RAB2B: variants seen among roughly 807,000 people sequenced by gnomAD.
The protein encoded by RAB2B is ras-related protein Rab-2B.
A neutral mutation model predicts 29.8 loss-of-function variants in RAB2B; 20 were observed. The ratio of observed to expected loss-of-function variants is 0.67; its 90% CI spans 0.47 to 0.97. RAB2B has a LOEUF of 0.97. Ranked by LOEUF, RAB2B falls within the 50% of genes least tolerant of loss-of-function variation. The probability of loss-of-function intolerance (pLI) is 0.00; values close to 1 mark genes in which losing one functional copy is unlikely to be tolerated. For synonymous variants in RAB2B, 93 were observed against 91.7 expected (o/e 1.01, Z -0.08); for missense variants, 218 against 272.0 (o/e 0.80, Z 1.40).
At chr14:21,468,309 T>C (rs773466084) in intron 5 of RAB2B, 48 bp downstream of exon 5, 1 of 1,396,418 alleles carries the variant, frequency 7.2e-7, no homozygotes, top group Non-Finnish European at 1.0e-6. Flanking sequence ...GTGCATAGAG[T>C]ACCTAGATGA....
intron 3 of RAB2B, among the ~76,000 whole-genome samples, chr14:21,470,617 T>C (rs1009572726): frequency 6.6e-6 from 1 of 152,206 alleles, no homozygotes; most frequent in African/African-American, 2.4e-5. Context: ...ATTAAAAAAA[T>C]ACTTACAGTT....
At chr14:21,474,742 T>A (rs1486528697) in intron 3 of RAB2B, 125 bp downstream of exon 3, 1 of 724,656 alleles carries the variant, frequency 1.4e-6, no homozygotes, top group Non-Finnish European at 2.3e-6. Flanking sequence ...CTTCTCTCTT[T>A]GATTTCACCT....
intron 2 of RAB2B, chr14:21,476,206 T>G: frequency 3.8e-6 from 1 of 260,066 alleles, no homozygotes; most frequent in Non-Finnish European, 7.3e-6. Flanking sequence ...TTAATTTACC[T>G]CAAAGCACAG....
In RAB2B at chr14:21,463,542, C is replaced by T. The variant is rs932505905; in HGVS notation, c.474+114G>A. 3.1e-5 allele frequency: 25 copies of T among 798,958 alleles called. No homozygotes were observed. The East Asian group carries it at 4.9e-4, about 16-fold the overall frequency. The allele number at this position is 798,958 out of a possible 1,614,324, so 49.5% of individuals were successfully genotyped here. ...GATTACAGGCATGAGCCACCGCGCT[C>T]GGCCAAGACATCCTTTCTTTACCAA... On this transcript the variant is annotated intron_variant, in intron 6 of 7. Transcript: ENST00000397762.
At chr14:21,474,700 T>C (rs1289512266) in intron 3 of RAB2B, 167 bp downstream of exon 3, 2 of 594,398 alleles carry the variant, frequency 3.4e-6, no homozygotes, top group South Asian at 2.2e-5. Context: ...AGATACAGCA[T>C]CCAGAATTTG....
chr14:21,464,045 A>G (rs1890631210), intron 5 of RAB2B, among the ~76,000 whole-genome samples: 1 of 152,200 alleles, frequency 6.6e-6, no homozygotes, highest in South Asian at 2.1e-4. Context: ...TAGTTACACA[A>G]AGCTTATGCT....
chr14:21,473,648 A>AG, intron 3 of RAB2B, among the ~76,000 whole-genome samples: 1 of 152,000 alleles, frequency 6.6e-6, no homozygotes, highest in Non-Finnish European at 1.5e-5. Context: ...TGAGAGGCCT[A>AG]GGTGGGTGGA....
intron 5 of RAB2B, among the ~76,000 whole-genome samples, chr14:21,467,050 G>A (rs1321357429): frequency 6.6e-6 from 1 of 152,100 alleles, no homozygotes; most frequent in African/African-American, 2.4e-5. Context: ...GGGACTAGAG[G>A]TGCGTGCCAC....
intron 5 of RAB2B, among the ~76,000 whole-genome samples, chr14:21,467,174 T>G (rs1398999361): frequency 1.3e-5 from 2 of 152,082 alleles, no homozygotes; most frequent in Non-Finnish European, 2.9e-5. Flanking sequence ...CCCAAAGTGC[T>G]AGGATTACGG....
chr14:21,470,136 G>A (rs1380899479), intron 3 of RAB2B, among the ~76,000 whole-genome samples: 1 of 151,512 alleles, frequency 6.6e-6, no homozygotes, highest in African/African-American at 2.4e-5. Context: ...TGTATTTTTG[G>A]TAGAGATGGG....
At chr14:21,473,743 T>C (rs1340987975) in intron 3 of RAB2B, among the ~76,000 whole-genome samples, 4 of 152,254 alleles carry the variant, frequency 2.6e-5, no homozygotes, top group Middle Eastern at 3.4e-3. Context: ...CCGGGAGTGG[T>C]GGCTCACACC....
chr14:21,465,352 T>TAGGGGAAAAGA (rs1352026515), intron 5 of RAB2B, among the ~76,000 whole-genome samples: 73 of 152,346 alleles, frequency 4.8e-4, no homozygotes, highest in Middle Eastern at 3.4e-3. Context: ...TCTTTTCCCC[T>TAGGGGAAAAGA]AGCCTGTGTT....
chr14:21,476,794 C>T (rs750504950), intron 1 of RAB2B, 33 bp downstream of exon 1: 3 of 1,612,562 alleles, frequency 1.9e-6, no homozygotes, highest in Non-Finnish European at 2.5e-6. Context: ...GAATGCCCGC[C>T]CGAGCCTTGA....
At chr14:21,462,677 T>A (rs1320395775) in intron 6 of RAB2B, among the ~76,000 whole-genome samples, 1 of 151,376 alleles carries the variant, frequency 6.6e-6, no homozygotes, top group Non-Finnish European at 1.5e-5. Flanking sequence ...CCGTCTCCAC[T>A]AAAAATACAA....
chr14:21,476,446 A>G, intron 2 of RAB2B, 82 bp downstream of exon 2: 1 of 1,541,800 alleles, frequency 6.5e-7, no homozygotes, highest in Admixed American at 1.7e-5. Context: ...TACTTCGAAC[A>G]CTGAAGGCTG....
At chr14:21,469,207 ATTTC>A (rs1051318902) in intron 3 of RAB2B, among the ~76,000 whole-genome samples, 17 of 152,122 alleles carry the variant, frequency 1.1e-4, no homozygotes, top group Non-Finnish European at 2.1e-4. Flanking sequence ...TTCTGTTCCC[ATTTC>A]TTTATCTGTA....
At chr14:21,468,505 A>T in intron 4 of RAB2B, 56 bp from the exon 5 acceptor site, 1 of 1,515,232 alleles carries the variant, frequency 6.6e-7, no homozygotes, top group Non-Finnish European at 9.2e-7. Flanking sequence ...AGGCCAAAAC[A>T]ACTCCAAGCG....
intron 3 of RAB2B, among the ~76,000 whole-genome samples, chr14:21,471,201 C>T (rs1050431602): frequency 6.6e-6 from 1 of 150,390 alleles, no homozygotes; most frequent in Non-Finnish European, 1.5e-5. Flanking sequence ...AATCACTCTA[C>T]TTCATCTCAT....
chr14:21,473,694 A>T (rs1231738102), intron 3 of RAB2B, among the ~76,000 whole-genome samples: 1 of 151,970 alleles, frequency 6.6e-6, no homozygotes, highest in Non-Finnish European at 1.5e-5. Context: ...CCTGGCCAAC[A>T]TGGCAAAACC....
Sources: gnomAD v4.1 joint callset for allele counts (sites outside exome capture counted in the v4.1 genomes callset) on GRCh38, gnomAD v4.1.1 for gene constraint, MANE v1.5 for transcripts, NCBI Gene and HGNC (gene_info 2026-07-23, HGNC 2026-07-21) for gene names.